NOS1AP: variants seen among roughly 807,000 people sequenced by gnomAD.
NOS1AP encodes carboxyl-terminal PDZ ligand of neuronal nitric oxide synthase protein.
A neutral mutation model predicts 56.2 loss-of-function variants in NOS1AP; 21 were observed. That is an observed-to-expected ratio of 0.37 (90% CI 0.26 to 0.54). NOS1AP has a LOEUF of 0.54. Among genes scored for constraint, NOS1AP ranks in the 20% least tolerant of loss-of-function variants. The pLI is 0.84. For synonymous variants in NOS1AP, 270 were observed against 274.6 expected, an observed-to-expected ratio of 0.98 and a Z score of 0.17; for missense variants, 522 against 657.8, an observed-to-expected ratio of 0.79 and a Z score of 2.26.
At chr1:162,185,952 A>G (rs1651418732) in intron 2 of NOS1AP, among the ~76,000 whole-genome samples, 1 of 152,218 alleles carries the variant, frequency 6.6e-6, no homozygotes, top group South Asian at 2.1e-4. Context: ...AGGAGGTCCT[A>G]GAAGGGGCTA....
At chr1:162,268,257 GA>G (rs757606072) in intron 2 of NOS1AP, among the ~76,000 whole-genome samples, 4,321 of 131,186 alleles carry the variant, frequency 0.033, 145 homozygotes, top group African/African-American at 0.097. Flanking sequence ...CTGTCTATAG[GA>G]AAAAAAAAAA....
chr1:162,223,378 A>ATT (rs1652846177), intron 2 of NOS1AP, among the ~76,000 whole-genome samples: 1 of 152,206 alleles, frequency 6.6e-6, no homozygotes, highest in African/African-American at 2.4e-5. Flanking sequence ...TCCTGAGATT[A>ATT]TTTGAAAGCA....
chr1:162,198,387 C>G (rs941500270), intron 2 of NOS1AP, among the ~76,000 whole-genome samples: 1 of 152,116 alleles, frequency 6.6e-6, no homozygotes, highest in Non-Finnish European at 1.5e-5. Context: ...GTGAAGAGGG[C>G]AGGATCCACT....
chr1:162,237,962 G>A (rs1281843611), intron 2 of NOS1AP, among the ~76,000 whole-genome samples: 1 of 152,118 alleles, frequency 6.6e-6, no homozygotes, highest in African/African-American at 2.4e-5. Flanking sequence ...TTGGGGTGTG[G>A]CCAGGCACAC....
At chr1:162,145,624 T>C (rs1649430846) in intron 1 of NOS1AP, among the ~76,000 whole-genome samples, 1 of 152,148 alleles carries the variant, frequency 6.6e-6, no homozygotes, top group African/African-American at 2.4e-5. Flanking sequence ...ACAAGAGCAG[T>C]TTCTGCAGGC....
intron 2 of NOS1AP, among the ~76,000 whole-genome samples, chr1:162,169,947 C>T (rs1363322104): frequency 1.3e-5 from 2 of 152,180 alleles, no homozygotes; most frequent in African/African-American, 4.8e-5. Context: ...TCCTCCCTCC[C>T]TTTCCTGCCT....
intron 2 of NOS1AP, among the ~76,000 whole-genome samples, chr1:162,281,813 T>C (rs1357018346): frequency 5.9e-5 from 9 of 152,236 alleles, no homozygotes; most frequent in Non-Finnish European, 1.3e-4. Flanking sequence ...TGGTAAAATA[T>C]ACATGACATA....
chr1:162,134,891 T>C (rs1002638037), intron 1 of NOS1AP, among the ~76,000 whole-genome samples: 1 of 152,216 alleles, frequency 6.6e-6, no homozygotes, highest in African/African-American at 2.4e-5. Context: ...CCTGCCTGCA[T>C]GTTCAGCCTT....
intron 2 of NOS1AP, among the ~76,000 whole-genome samples, chr1:162,233,351 G>A (rs1386540278): frequency 6.6e-6 from 1 of 152,106 alleles, no homozygotes; most frequent in Non-Finnish European, 1.5e-5. Flanking sequence ...GTACTGCTGT[G>A]GCTCTGACTC....
chr1:162,127,613 A>T (rs1188178156), intron 1 of NOS1AP, among the ~76,000 whole-genome samples: 4 of 151,992 alleles, frequency 2.6e-5, no homozygotes, highest in Admixed American at 1.3e-4. Flanking sequence ...GCTTCTGGAG[A>T]GGCCTCAGGA....
intron 2 of NOS1AP, among the ~76,000 whole-genome samples, chr1:162,164,427 C>A (rs112854795): frequency 6.6e-6 from 1 of 152,186 alleles, no homozygotes; most frequent in East Asian, 1.9e-4. Context: ...ACATTAAATA[C>A]ATTCACAATA....
Position 162,242,207 on chromosome 1 carries a change from C to T in NOS1AP, c.178-45137C>T, listed in dbSNP as rs999258077. On this transcript the variant is annotated intron_variant, in intron 2 of 9. Coordinates refer to ENST00000361897, the MANE Select transcript of NOS1AP (RefSeq NM_014697.3). ...AATAGGGTTTTAAGTGATGACAGGT[C>T]AGTGTGGGTTTTTAAAACATGTCTG... 3.3e-5 allele frequency among the ~76,000 whole-genome samples: 5 copies of T among 152,232 alleles called. No individual in the cohort carries two copies. In the South Asian group the frequency reaches 1.0e-3, roughly 32 times the overall value.
intron 2 of NOS1AP, among the ~76,000 whole-genome samples, chr1:162,185,080 G>T (rs777294200): frequency 1.3e-5 from 2 of 152,094 alleles, no homozygotes; most frequent in African/African-American, 2.4e-5. Context: ...CCAGCTCGTG[G>T]CCCCATCCTG....
intron 1 of NOS1AP, among the ~76,000 whole-genome samples, chr1:162,079,962 C>A (rs529672853): frequency 6.6e-6 from 1 of 152,182 alleles, no homozygotes; most frequent in East Asian, 1.9e-4. Context: ...TAACTAGGTT[C>A]TGGTGCATGC....
At chr1:162,076,287 T>A (rs1047560491) in intron 1 of NOS1AP, among the ~76,000 whole-genome samples, 15 of 152,200 alleles carry the variant, frequency 9.9e-5, no homozygotes, top group African/African-American at 3.6e-4. Context: ...CTTTTTGCCC[T>A]ACCCTGCAAA....
chr1:162,366,837 C>A, intron 9 of NOS1AP: 1 of 631,170 alleles, frequency 1.6e-6, no homozygotes, highest in Non-Finnish European at 2.9e-6. Context: ...CCGCCTTTAC[C>A]ACGTCCCAAA....
intron 1 of NOS1AP, among the ~76,000 whole-genome samples, chr1:162,108,265 A>G (rs1467996594): frequency 2.0e-5 from 3 of 152,320 alleles, no homozygotes; most frequent in Non-Finnish European, 2.9e-5. Flanking sequence ...GAGGACTCCC[A>G]GGGTCATGTT....
At chr1:162,355,105 C>A in intron 6 of NOS1AP, 82 bp from the exon 7 acceptor site, 1 of 1,541,508 alleles carries the variant, frequency 6.5e-7, no homozygotes, top group Non-Finnish European at 8.9e-7. Context: ...CTCAACATGC[C>A]TGAAAGCTAA....
rs565325740 is a variant in NOS1AP at position 162,175,589 on chromosome 1, A to G, written c.177+21113A>G. 2.2e-3 allele frequency among the ~76,000 whole-genome samples: 333 copies of G among 151,998 alleles called. 1 individual carries two copies. Among genetic ancestry groups the G allele is most frequent in the African/African-American group, 7.5e-3 (312 of 41,508 alleles). ...AGCCCTGACTCCTTTTGTTGAAGGCATGGAGTTAGATAGCAGGATCGGAGG... is the reference window on the plus strand; with the variant it reads ...AGCCCTGACTCCTTTTGTTGAAGGCGTGGAGTTAGATAGCAGGATCGGAGG... On this transcript the variant is annotated intron_variant, in intron 2 of 9. Transcript: ENST00000361897.
Sources: gnomAD v4.1 joint callset for allele counts (sites outside exome capture counted in the v4.1 genomes callset) on GRCh38, gnomAD v4.1.1 for gene constraint, MANE v1.5 for transcripts, NCBI Gene and HGNC (gene_info 2026-07-23, HGNC 2026-07-21) for gene names.